SPATA6: variants seen among roughly 807,000 people sequenced by gnomAD.
SPATA6 encodes spermatogenesis associated 6, also known as spermatogenesis-associated protein 6.
A neutral mutation model predicts 65.3 loss-of-function variants in SPATA6; 56 were observed. The ratio of observed to expected loss-of-function variants is 0.86; its 90% CI spans 0.69 to 1.07. SPATA6 has a LOEUF of 1.07. SPATA6 is among the 50% of genes least tolerant of loss of function. The pLI is 0.00. For missense variants in SPATA6, 590 were observed against 594.8 expected, an observed-to-expected ratio of 0.99 and a Z score of 0.08; for synonymous variants, 199 against 213.2, an observed-to-expected ratio of 0.93 and a Z score of 0.58.
intron 8 of SPATA6, among the ~76,000 whole-genome samples, chr1:48,385,828 C>T (rs1363748088): frequency 6.6e-6 from 1 of 152,114 alleles, no homozygotes; most frequent in Admixed American, 6.5e-5. Flanking sequence ...AATAAATCTG[C>T]ATTATACATT....
chr1:48,413,032 T>C (rs557208991), intron 4 of SPATA6, 78 bp downstream of exon 4: 1 of 424,396 alleles, frequency 2.4e-6, no homozygotes, highest in Non-Finnish European at 3.7e-6. Context: ...TAATATAGTA[T>C]AATCAATATA....
At chr1:48,388,054 G>T (rs759681046) in intron 8 of SPATA6, among the ~76,000 whole-genome samples, 2 of 152,040 alleles carry the variant, frequency 1.3e-5, no homozygotes, top group Non-Finnish European at 2.9e-5. Flanking sequence ...AGCTAAAATT[G>T]CTGCCAGTGC....
At chr1:48,445,477 GGTA>G (rs1655939376) in intron 3 of SPATA6, among the ~76,000 whole-genome samples, 1 of 151,864 alleles carries the variant, frequency 6.6e-6, no homozygotes, top group Non-Finnish European at 1.5e-5. Flanking sequence ...TGGCTAACAT[GGTA>G]AAACCCCGTC....
At chr1:48,453,377 T>C (rs1453059937) in intron 1 of SPATA6, among the ~76,000 whole-genome samples, 3 of 152,254 alleles carry the variant, frequency 2.0e-5, no homozygotes, top group Non-Finnish European at 2.9e-5. Context: ...TGAAGTTCTA[T>C]GTACTAGCTC....
chr1:48,325,283 G>T, intron 11 of SPATA6: 1 of 1,000,202 alleles, frequency 1.0e-6, no homozygotes, highest in Non-Finnish European at 1.5e-6. Context: ...AATGAGTGCT[G>T]TCTTGTGGAA....
At chr1:48,321,332 G>C (rs1409896550) in intron 11 of SPATA6, among the ~76,000 whole-genome samples, 4 of 152,040 alleles carry the variant, frequency 2.6e-5, no homozygotes, top group Non-Finnish European at 5.9e-5. Context: ...AAAGGAATGG[G>C]AAAAGATTTC....
At chr1:48,381,415 A>G (rs987694558) in intron 9 of SPATA6, among the ~76,000 whole-genome samples, 1 of 152,188 alleles carries the variant, frequency 6.6e-6, no homozygotes, top group African/African-American at 2.4e-5. Context: ...AAATATTTAT[A>G]AAGCTTCACC....
chr1:48,399,766 T>C, intron 6 of SPATA6, 122 bp from the exon 7 acceptor site: 1 of 814,062 alleles, frequency 1.2e-6, no homozygotes, highest in East Asian at 2.7e-5. Flanking sequence ...ACTAGATCAG[T>C]CCTTCCTATC....
chr1:48,347,327 C>T (rs1193101859), intron 11 of SPATA6, among the ~76,000 whole-genome samples: 3 of 151,368 alleles, frequency 2.0e-5, no homozygotes, highest in Non-Finnish European at 4.4e-5. Flanking sequence ...GAATTAAAGA[C>T]TTAAATATAA....
the SPATA6 span, among the ~76,000 whole-genome samples, chr1:48,279,493 C>A: frequency 6.6e-6 from 1 of 151,904 alleles, no homozygotes; most frequent in East Asian, 1.9e-4. Context: ...GAAGATCTAC[C>A]AAGTAAATGG....
intron 9 of SPATA6, among the ~76,000 whole-genome samples, chr1:48,363,683 A>G (rs1053336212): frequency 6.6e-6 from 1 of 152,046 alleles, no homozygotes; most frequent in Non-Finnish European, 1.5e-5. Flanking sequence ...GGCAAATGCT[A>G]AAATGAATCA....
In SPATA6 at chr1:48,439,518, T is replaced by C. The variant is rs575289509; in HGVS notation, c.238+12034A>G. On this transcript the variant is annotated intron_variant, in intron 3 of 12. Coordinates refer to ENST00000371847, the MANE Select transcript of SPATA6 (RefSeq NM_019073.4). ...GCATCAGTGAGTGCAACTAGTCCGA[T>C]CAGCAGGGTCCAGGGACCATTTGGG... Among the ~76,000 whole-genome samples the C allele has an allele frequency of 3.9e-5, 6 of 152,204 alleles. 1 individual carries two copies. In the South Asian group the frequency reaches 1.2e-3, roughly 32 times the overall value.
At chr1:48,457,083 A>T (rs867048193) in intron 1 of SPATA6, among the ~76,000 whole-genome samples, 17 of 151,756 alleles carry the variant, frequency 1.1e-4, no homozygotes, top group South Asian at 4.1e-4. Context: ...AAAAAAATTT[A>T]AAACTTTTTA....
At position 48,436,869 on chromosome 1, in the gene SPATA6, G is replaced by A. The variant is rs561335511; in HGVS notation, c.238+14683C>T. On this transcript the variant is annotated intron_variant, in intron 3 of 12. Transcript: ENST00000371847. Reference sequence around the variant, plus strand: ...TTTTCCCTCAATCAGAATCCAGAATGAAAAATTCCCGGTCAGGTGTAGACT... The same window carrying A: ...TTTTCCCTCAATCAGAATCCAGAATAAAAAATTCCCGGTCAGGTGTAGACT... The A allele has an allele frequency of 1.4e-5, 23 of 1,613,042 alleles. No homozygotes were observed. In the African/African-American group the frequency reaches 2.3e-4, roughly 16 times the overall value.
chr1:48,364,383 T>G (rs551521329), intron 9 of SPATA6, among the ~76,000 whole-genome samples: 3 of 152,212 alleles, frequency 2.0e-5, no homozygotes, highest in Non-Finnish European at 2.9e-5. Context: ...CCACACTGAC[T>G]TCCACAATGG....
intron 9 of SPATA6, among the ~76,000 whole-genome samples, chr1:48,378,597 G>T (rs974796322): frequency 6.6e-6 from 1 of 152,168 alleles, no homozygotes; most frequent in Non-Finnish European, 1.5e-5. Flanking sequence ...AGAGAAAAAT[G>T]AGGAAGAAGC....
At chr1:48,314,478 G>A (rs2148677952) in intron 11 of SPATA6, among the ~76,000 whole-genome samples, 1 of 152,262 alleles carries the variant, frequency 6.6e-6, no homozygotes, top group African/African-American at 2.4e-5. Flanking sequence ...AAATAAAGAT[G>A]TTCTTTGAAA....
chr1:48,267,752 G>GTTTTTTTTTTTTT, the SPATA6 span, among the ~76,000 whole-genome samples: 2 of 72,704 alleles, frequency 2.8e-5, no homozygotes, highest in African/African-American at 5.6e-5. Context: ...TAGGGTCTGG[G>GTTTTTTTTTTTTT]TTTTTTTTTT....
intron 3 of SPATA6, among the ~76,000 whole-genome samples, chr1:48,450,797 T>C (rs1656493626): frequency 6.6e-6 from 1 of 152,228 alleles, no homozygotes; most frequent in South Asian, 2.1e-4. Context: ...TCTACATTGC[T>C]GAAGTCGCAA....
Sources: allele counts gnomAD v4.1 joint callset (sites outside exome capture counted in the v4.1 genomes callset), GRCh38; gene constraint gnomAD v4.1.1; transcripts MANE v1.5; gene names NCBI Gene and HGNC (gene_info 2026-07-23, HGNC 2026-07-21).